The following PRIM2 variants were observed in gnomAD, a reference collection of about 807,000 sequenced individuals.
PRIM2 encodes the protein DNA primase large subunit.
PRIM2 carries 39 observed loss-of-function variants against 67.3 expected under a neutral mutation model. That is an observed-to-expected ratio of 0.58 (90% CI 0.45 to 0.76). The LOEUF is 0.76. Ranked by LOEUF, PRIM2 falls within the 30% of genes least tolerant of loss-of-function variation. The pLI, the probability that PRIM2 is intolerant of heterozygous loss-of-function variation, is 0.00. For synonymous variants in PRIM2, 143 were observed against 198.7 expected, an observed-to-expected ratio of 0.72 and a Z score of 2.36; for missense variants, 398 against 598.7, an observed-to-expected ratio of 0.66 and a Z score of 3.50.
the PRIM2 span, among the ~76,000 whole-genome samples, chr6:57,276,427 T>A: frequency 7.2e-6 from 1 of 139,454 alleles, no homozygotes; most frequent in Admixed American, 7.5e-5. Flanking sequence ...AGTTAAAAAT[T>A]ATAAAACAAT....
At chr6:57,469,370 C>A (rs1295772095) in intron 7 of PRIM2, among the ~76,000 whole-genome samples, 1 of 152,226 alleles carries the variant, frequency 6.6e-6, no homozygotes, top group Non-Finnish European at 1.5e-5. Flanking sequence ...TATAAAAACA[C>A]TAGTGAATCA....
At chr6:57,251,762 T>C in the PRIM2 span, among the ~76,000 whole-genome samples, 4 of 152,224 alleles carry the variant, frequency 2.6e-5, no homozygotes, top group South Asian at 8.3e-4. Context: ...CATCCAGTCT[T>C]CTTATTTCCC....
At chr6:57,586,114 A>C (rs1776182542) in intron 10 of PRIM2, among the ~76,000 whole-genome samples, 2 of 152,308 alleles carry the variant, frequency 1.3e-5, no homozygotes, top group Non-Finnish European at 2.9e-5. Context: ...TAACTTTAAA[A>C]AAGGAGAGAA....
chr6:57,577,603 GTT>G (rs1324635314), intron 10 of PRIM2, among the ~76,000 whole-genome samples: 5 of 151,576 alleles, frequency 3.3e-5, no homozygotes, highest in Admixed American at 2.0e-4. Flanking sequence ...TAATTTTTGT[GTT>G]TTTAGTAGAG....
At chr6:57,267,127 A>T in the PRIM2 span, among the ~76,000 whole-genome samples, 35 of 152,348 alleles carry the variant, frequency 2.3e-4, no homozygotes, top group East Asian at 6.6e-3. Context: ...GAAGCACAGA[A>T]TTTAAGTAAT....
the PRIM2 span, among the ~76,000 whole-genome samples, chr6:57,284,320 C>T: frequency 6.6e-6 from 1 of 152,186 alleles, no homozygotes; most frequent in East Asian, 1.9e-4. Context: ...TTGCATTTAA[C>T]TTTTGGCAGA....
chr6:57,638,496 C>G (rs1231209300), intron 13 of PRIM2, among the ~76,000 whole-genome samples: 1 of 140,154 alleles, frequency 7.1e-6, no homozygotes, highest in Non-Finnish European at 1.5e-5. Flanking sequence ...GTGCTGTATT[C>G]AGGAGACCAT....
chr6:57,270,890 T>C, the PRIM2 span, among the ~76,000 whole-genome samples: 1 of 152,056 alleles, frequency 6.6e-6, no homozygotes, highest in Admixed American at 6.5e-5. Flanking sequence ...GATAATCATG[T>C]GGTTTTTGTC....
intron 5 of PRIM2, among the ~76,000 whole-genome samples, chr6:57,334,456 T>C (rs896540764): frequency 6.6e-6 from 1 of 152,202 alleles, no homozygotes; most frequent in South Asian, 2.1e-4. Flanking sequence ...ATATGGTGGT[T>C]CTATTTTTAA....
At chr6:57,602,848 AC>A (rs1776494245) in intron 11 of PRIM2, among the ~76,000 whole-genome samples, 2 of 152,230 alleles carry the variant, frequency 1.3e-5, no homozygotes, top group African/African-American at 4.8e-5. Flanking sequence ...AAAGTAATAA[AC>A]TTAATTTTTT....
Position 57,320,690 on chromosome 6 carries a change from C to T in PRIM2, c.258+130C>T, listed in dbSNP as rs1476819357. On this transcript the variant is annotated intron_variant, in intron 3 of 13. Transcript: ENST00000615550. Reference sequence around the variant, plus strand: ...CTAATGTATCATTAGCCTGAAGGTTCTTCAGTGTATTAGGGGTGATTGACA... The same window carrying T: ...CTAATGTATCATTAGCCTGAAGGTTTTTCAGTGTATTAGGGGTGATTGACA... The T allele has an allele frequency of 1.2e-5, 7 of 591,970 alleles. No individual in the cohort carries two copies. The East Asian group carries it at 2.0e-4, about 17-fold the overall frequency. 36.7% of individuals were successfully genotyped at this position (591,970 alleles called of 1,614,324 possible).
intron 7 of PRIM2, among the ~76,000 whole-genome samples, chr6:57,458,083 T>C (rs1772866286): frequency 6.6e-6 from 1 of 152,360 alleles, no homozygotes; most frequent in East Asian, 1.9e-4. Flanking sequence ...GTTTGACTTG[T>C]GTATCGGTCA....
intron 13 of PRIM2, among the ~76,000 whole-genome samples, chr6:57,632,698 C>G (rs1437010393): frequency 6.6e-6 from 1 of 152,256 alleles, no homozygotes; most frequent in East Asian, 1.9e-4. Flanking sequence ...TTGCCAACCT[C>G]TAGACTAGAT....
At chr6:57,261,345 A>G in the PRIM2 span, among the ~76,000 whole-genome samples, 1 of 152,164 alleles carries the variant, frequency 6.6e-6, no homozygotes, top group Non-Finnish European at 1.5e-5. Flanking sequence ...AGCTGGGTCC[A>G]TAGAAGAGAT....
the PRIM2 span, among the ~76,000 whole-genome samples, chr6:57,288,986 T>A: frequency 6.6e-6 from 1 of 152,038 alleles, no homozygotes; most frequent in Non-Finnish European, 1.5e-5. Flanking sequence ...CTTCAGAAGG[T>A]CGGTAATAAC....
chr6:57,577,714 C>A (rs1253050301), intron 10 of PRIM2, among the ~76,000 whole-genome samples: 1 of 152,162 alleles, frequency 6.6e-6, no homozygotes, highest in Admixed American at 6.5e-5. Flanking sequence ...CAGGCATGAG[C>A]CACTGCGCCC....
intron 10 of PRIM2, among the ~76,000 whole-genome samples, chr6:57,592,722 C>T (rs1776302530): frequency 2.0e-5 from 3 of 151,038 alleles, no homozygotes; most frequent in African/African-American, 4.9e-5. Flanking sequence ...ACCTGGGAGG[C>T]GGAGGTCTCA....
At chr6:57,282,073 C>T in the PRIM2 span, among the ~76,000 whole-genome samples, 2 of 152,296 alleles carry the variant, frequency 1.3e-5, no homozygotes, top group South Asian at 4.1e-4. Context: ...GTCCTAGCCC[C>T]TCTGTGTGTT....
intron 7 of PRIM2, among the ~76,000 whole-genome samples, chr6:57,469,362 T>C (rs1228773121): frequency 6.6e-6 from 1 of 152,198 alleles, no homozygotes; most frequent in African/African-American, 2.4e-5. Context: ...ACCCTCAGTA[T>C]AAAAACACTA....
Sources: gnomAD v4.1 joint callset for allele counts (sites outside exome capture counted in the v4.1 genomes callset) on GRCh38, gnomAD v4.1.1 for gene constraint, MANE v1.5 for transcripts, NCBI Gene and HGNC (gene_info 2026-07-23, HGNC 2026-07-21) for gene names.